Variants in ZNF320 observed in about 807,000 individuals in gnomAD.
The protein encoded by ZNF320 is zinc finger protein 320, also known as zinc finger gene 320.
ZNF320 carries 2 observed loss-of-function variants against 6.8 expected under a neutral mutation model. That is an observed-to-expected ratio of 0.29 (90% CI 0.12 to 0.93). The LOEUF is 0.93. Among genes scored for constraint, ZNF320 ranks in the 40% least tolerant of loss-of-function variants. The pLI, the probability that ZNF320 is intolerant of heterozygous loss-of-function variation, is 0.55. For missense variants in ZNF320, 472 were observed against 611.0 expected (o/e 0.77, Z 2.40); for synonymous variants, 208 against 203.2 (o/e 1.02, Z -0.20).
chr19:52,872,842 AGG>A (rs1195365221), downstream of ZNF320, among the ~76,000 whole-genome samples: 1 of 152,030 alleles, frequency 6.6e-6, no homozygotes, highest in African/African-American at 2.4e-5. Context: ...TATCTTGGTG[AGG>A]GGAATGTAGC....
At chr19:52,873,554 G>A (rs1291291782), downstream of ZNF320, among the ~76,000 whole-genome samples, 4 of 152,116 alleles carry the variant, frequency 2.6e-5, no homozygotes, top group Non-Finnish European at 5.9e-5. Flanking sequence ...ATCAAAATGG[G>A]GTTTCTTATA....
At chr19:52,871,119 T>C (rs149027606) in intron 5 of ZNF320, among the ~76,000 whole-genome samples, 423 of 151,066 alleles carry the variant, frequency 2.8e-3, no homozygotes, top group Admixed American at 0.024. Flanking sequence ...TGCACTCCAG[T>C]TTGGGCAATA....
chr19:52,897,439 G>C (rs928215032), intron 1 of ZNF320, 81 bp downstream of exon 1: 2 of 152,288 alleles, frequency 1.3e-5, no homozygotes, highest in Non-Finnish European at 2.9e-5. Flanking sequence ...GGAGGTGTCT[G>C]CACGACCCCA....
chr19:52,870,575 G>T (rs1342015708), intron 5 of ZNF320, among the ~76,000 whole-genome samples: 1 of 151,364 alleles, frequency 6.6e-6, no homozygotes, highest in Non-Finnish European at 1.5e-5. Flanking sequence ...TAAACCATAG[G>T]TTTATCCATC....
At chr19:52,865,983 TTA>T (rs1468648248) in intron 5 of ZNF320, among the ~76,000 whole-genome samples, 13 of 116,824 alleles carry the variant, frequency 1.1e-4, no homozygotes, top group South Asian at 2.5e-4. Context: ...ATACATATAT[TTA>T]TATATATGAT....
chr19:52,888,016 C>T (rs867821530), intron 5 of ZNF320, 111 bp downstream of exon 5: 6 of 1,518,446 alleles, frequency 4.0e-6, no homozygotes, highest in East Asian at 2.2e-5. Flanking sequence ...ATTTCAAAAT[C>T]AATACAGCTT....
chr19:52,871,970 G>A (rs111460869), downstream of ZNF320, among the ~76,000 whole-genome samples: 875 of 152,260 alleles, frequency 5.7e-3, 11 homozygotes, highest in African/African-American at 0.02. Context: ...GTCCCCCTTC[G>A]TCTTCATTAC....
At chr19:52,868,282 G>A (rs551497792) in intron 5 of ZNF320, among the ~76,000 whole-genome samples, 3 of 152,188 alleles carry the variant, frequency 2.0e-5, no homozygotes, top group African/African-American at 7.2e-5. Flanking sequence ...CGCGGTGGGT[G>A]GATCACCTGA....
At chr19:52,871,318 C>T (rs2063677240), downstream of ZNF320, among the ~76,000 whole-genome samples, 2 of 151,890 alleles carry the variant, frequency 1.3e-5, no homozygotes, top group South Asian at 4.2e-4. Context: ...ATATTTTCTC[C>T]CACTCTCTCT....
rs1308775747 is a variant in ZNF320, at chr19:52,881,027, G to A, written c.1099C>T (p.Arg367Trp). 5.0e-6 allele frequency: 8 copies of A among 1,611,910 alleles called. No individual in the cohort carries two copies. The Admixed American group carries it at 5.0e-5, about 10-fold the overall frequency. The change falls in exon 6 of 6, where the codon CGG (arginine) becomes TGG (tryptophan). Residue 367 changes from arginine to tryptophan, a missense_variant. Physicochemically the swap from Arg to Trp is moderately radical, Grantham distance 101. Transcript: ENST00000682928. ...TGTTCTGCAAGACGTGAATCACTCC[G>A]GAAAGCCTTGTCACAAACCTTACAT... ...YKCKVCDKAF[R>W]SDSRLAEHQR...
chr19:52,862,909 C>T, exon 6 of ZNF320: 1 of 269,860 alleles, frequency 3.7e-6, no homozygotes, highest in South Asian at 3.9e-5. Flanking sequence ...TGGATTCCGC[C>T]TGTAGTCTCA....
chr19:52,894,948 A>C (rs1392924989), intron 1 of ZNF320: 1 of 152,280 alleles, frequency 6.6e-6, no homozygotes, highest in African/African-American at 2.4e-5. Context: ...TGGTAGTCAT[A>C]AGCTGTAAGC....
chr19:52,903,426 CG>C, the ZNF320 span, among the ~76,000 whole-genome samples: 3 of 149,908 alleles, frequency 2.0e-5, no homozygotes, highest in South Asian at 6.4e-4. Flanking sequence ...CTGTGGGGGG[CG>C]GGGGGAGGAG....
rs148125287 is a variant in ZNF320 at position 52,882,988 on chromosome 19, C to A, written c.143-1005G>T. 6.3e-3 allele frequency among the ~76,000 whole-genome samples: 959 copies of A among 151,638 alleles called. 8 individuals carry two copies. Among genetic ancestry groups the A allele is most frequent in the African/African-American group, 0.021 (869 of 41,342 alleles). On this transcript the variant is annotated intron_variant, in intron 5 of 5. Transcript: ENST00000682928. ...AGCATATTTTTCTGAATAACTGTTACAAAATTACCTATATCCATGTGGAAC... is the reference window on the plus strand; with the variant it reads ...AGCATATTTTTCTGAATAACTGTTAAAAAATTACCTATATCCATGTGGAAC...
At chr19:52,865,434 T>TTTTTAA (rs368584132) in intron 5 of ZNF320, 6 of 153,316 alleles carry the variant, frequency 3.9e-5, no homozygotes, top group East Asian at 3.5e-4. Flanking sequence ...GGTCCAGGCT[T>TTTTTAA]TATATATATA....
chr19:52,863,081 T>A (rs1163502572), exon 6 of ZNF320, among the ~76,000 whole-genome samples: 2 of 152,268 alleles, frequency 1.3e-5, no homozygotes, highest in African/African-American at 4.8e-5. Context: ...TGCCTCAACC[T>A]TTCGAGTAGC....
At chr19:52,883,910 AATAAG>A (rs2063999036) in intron 5 of ZNF320, among the ~76,000 whole-genome samples, 1 of 152,188 alleles carries the variant, frequency 6.6e-6, no homozygotes, top group South Asian at 2.1e-4. Flanking sequence ...AAAAAAATAA[AATAAG>A]ATAAATAACT....
At chr19:52,872,650 C>T (rs2063699856), downstream of ZNF320, among the ~76,000 whole-genome samples, 1 of 152,100 alleles carries the variant, frequency 6.6e-6, no homozygotes, top group African/African-American at 2.4e-5. Flanking sequence ...TACAGGTGCC[C>T]ACCACCGGGC....
chr19:52,898,311 G>C (rs866554379), upstream of ZNF320, among the ~76,000 whole-genome samples: 4 of 152,092 alleles, frequency 2.6e-5, no homozygotes, highest in African/African-American at 7.2e-5. Flanking sequence ...GGAGGAGTGA[G>C]GTCACCACCT....
Sources: allele counts gnomAD v4.1 joint callset (sites outside exome capture counted in the v4.1 genomes callset), GRCh38; gene constraint gnomAD v4.1.1; transcripts MANE v1.5; gene names NCBI Gene and HGNC (gene_info 2026-07-23, HGNC 2026-07-21).